The following APEH variants were observed in gnomAD, a reference collection of about 807,000 sequenced individuals.
APEH encodes acylamino-acid-releasing enzyme.
In APEH, 75 loss-of-function variants were observed where a neutral mutation model predicts 102.7. The observed-to-expected ratio is 0.73, with a 90% CI of 0.61 to 0.89. APEH has a LOEUF of 0.89. Ranked by LOEUF, APEH falls within the 40% of genes least tolerant of loss-of-function variation. The pLI, the probability that APEH is intolerant of heterozygous loss-of-function variation, is 0.00. For missense variants in APEH, 863 were observed against 941.2 expected, an observed-to-expected ratio of 0.92 and a Z score of 1.09; for synonymous variants, 344 against 362.7, an observed-to-expected ratio of 0.95 and a Z score of 0.59.
intron 17 of APEH, 108 bp downstream of exon 17, chr3:49,682,075 C>T: frequency 7.8e-7 from 1 of 1,274,270 alleles, no homozygotes; most frequent in Non-Finnish European, 1.1e-6. Context: ...AGGACTTTCT[C>T]TAGCCTAGAC....
Position 49,679,549 on chromosome 3 carries a change from T to G in APEH, c.1159-44T>G. On this transcript the variant is annotated intron_variant, in intron 12 of 21. Transcript: ENST00000296456. The surrounding 1 kb of genome is among the most constrained non-coding windows in gnomAD (Gnocchi z 4.3). Reference sequence around the variant, plus strand: ...GGGAGGGACCCATAGGTAGAGGGAGTACTCTTGGATGTGGTCGCACCTGTG... The same window carrying G: ...GGGAGGGACCCATAGGTAGAGGGAGGACTCTTGGATGTGGTCGCACCTGTG... The G allele has an allele frequency of 6.2e-7, 1 of 1,604,360 alleles. No individual in the cohort carries two copies. Among genetic ancestry groups the G allele is most frequent in the Non-Finnish European group, 8.5e-7 (1 of 1,171,810 alleles).
Position 49,682,544 on chromosome 3 carries a change from A to G in APEH, c.1693-2A>G. The G allele has an allele frequency of 6.2e-7, 1 of 1,614,078 alleles. No homozygotes were observed. Among genetic ancestry groups the G allele is most frequent in the Non-Finnish European group, 8.5e-7 (1 of 1,179,972 alleles). The stretch of plus-strand genomic sequence containing the variant: ...TGCAGCATGCTTTGTCCCACCCTGC[A>G]GTTTGCAGTGGAACAGGTGCTCCAG... On this transcript the variant is annotated splice_acceptor_variant, in intron 18 of 21. Transcript: ENST00000296456. LOFTEE classifies it high-confidence loss of function.
intron 15 of APEH, 60 bp downstream of exon 15, chr3:49,681,299 C>T (rs966849741): frequency 2.7e-6 from 4 of 1,462,876 alleles, no homozygotes; most frequent in Admixed American, 2.5e-5. Context: ...AAAGCCTCTG[C>T]GGTGACCTTT....
Position 49,676,988 on chromosome 3 carries a change from T to C in APEH, c.963T>C (p.Ser321=). The part of the protein sequence containing the change: ...QCRIVYLQYP[S]LIPHHQCSQL... ...GCATTGTCTACCTGCAGTACCCATC[T>C]CTGATCCCCCATCACCAATGCAGCC... is the stretch of plus-strand genomic sequence containing the variant. The change falls in exon 10 of 22, where the codon TCT becomes TCC. Residue 321 remains serine (S), a synonymous_variant. Coordinates refer to ENST00000296456, the MANE Select transcript of APEH (RefSeq NM_001640.4). The C allele has an allele frequency of 3.1e-6, 5 of 1,614,102 alleles. No homozygotes were observed. Among genetic ancestry groups the C allele is most frequent in the Non-Finnish European group, 3.4e-6 (4 of 1,180,022 alleles).
Position 49,675,722 on chromosome 3 carries a change from A to C in APEH, c.301A>C (p.Thr101Pro). 1 of 1,614,022 alleles carries C rather than the reference A, an allele frequency of 6.2e-7. No individual in the cohort carries two copies. The change falls in exon 4 of 22, where the codon ACC (threonine) becomes CCC (proline). Residue 101 changes from threonine (T) to proline (P), a missense_variant. Coordinates refer to ENST00000296456, the MANE Select transcript of APEH (RefSeq NM_001640.4). ...GCTGAGCAGAGAGTCTCCTTCAGGC[A>C]CCATGAAAGCTGTGCTGCGCAAGGC... The part of the protein sequence containing the change: ...ELLSRESPSG[T>P]MKAVLRKAGG...
In APEH at chr3:49,676,271, G is replaced by A. The variant is rs770438548; in HGVS notation, c.606+52G>A. On this transcript the variant is annotated intron_variant, in intron 6 of 21. Coordinates refer to ENST00000296456, the MANE Select transcript of APEH (RefSeq NM_001640.4). ...CGGCAGGGCAGCCCTGGGGCTCAGT[G>A]TGCTCCCTTCCCATACTGTGCCTGT... 5 of 1,611,372 alleles carry A rather than the reference G, an allele frequency of 3.1e-6. No individual in the cohort carries two copies. The South Asian group carries it at 3.3e-5, about 11-fold the overall frequency.
In APEH at chr3:49,683,908, C is replaced by CT. The variant is rs2053471021; in HGVS notation, c.*567dup. 6 of 1,469,826 alleles carry CT rather than the reference C, an allele frequency of 4.1e-6. No homozygotes were observed. In the Admixed American group the frequency reaches 8.8e-5, roughly 21 times the overall value. The allele number at this position is 1,469,826 out of a possible 1,614,324, so 91.0% of individuals were successfully genotyped here. The stretch of plus-strand genomic sequence containing the variant: ...CCACCCGAGCCCTAGCAAGGAGTCA[C>CT]TGACACATTTCCTGGAAGCAAAGGC... On this transcript the variant is annotated 3_prime_UTR_variant, in exon 22 of 22. Transcript: ENST00000296456.
At chr3:49,673,722 A>C (rs1195492206), upstream of APEH, among the ~76,000 whole-genome samples, 1 of 151,976 alleles carries the variant, frequency 6.6e-6, no homozygotes, top group African/African-American at 2.4e-5. Flanking sequence ...CTCGTGGTGG[A>C]CCCGAAGGAA....
chr3:49,675,511 C>T (rs766706613), intron 3 of APEH, 183 bp from the exon 4 acceptor site: 3 of 973,220 alleles, frequency 3.1e-6, no homozygotes, highest in Non-Finnish European at 4.6e-6. Flanking sequence ...CCCATGGTGG[C>T]CTGGGGAGTT....
chr3:49,677,512 C>T, intron 10 of APEH, 61 bp from the exon 11 acceptor site: 6 of 1,475,464 alleles, frequency 4.1e-6, no homozygotes, highest in Non-Finnish European at 4.7e-6. Flanking sequence ...AGGCACAGGG[C>T]ACTGTGCCCT....
Position 49,683,390 on chromosome 3 carries a change from C to A in APEH, c.*48C>A. 2.0e-6 allele frequency: 3 copies of A among 1,519,330 alleles called. No individual in the cohort carries two copies. Among genetic ancestry groups the A allele is most frequent in the South Asian group, 1.1e-5 (1 of 88,718 alleles). 94.1% of individuals were successfully genotyped at this position (1,519,330 alleles called of 1,614,324 possible). A position where few individuals can be genotyped will look rare whatever the true frequency, so the allele number is the denominator to read the frequency against. On this transcript the variant is annotated 3_prime_UTR_variant, in exon 22 of 22. Transcript: ENST00000296456. ...TGATCAGCCTGTGCCACACTTCGCT[C>A]TTGAGGAGCTCAACGGTCTGGCAGG...
At position 49,678,875 on chromosome 3, in the gene APEH, A is replaced by T. The variant is rs1453511070; in HGVS notation, c.1084A>T (p.Ser362Cys). 6.2e-7 allele frequency: 1 copy of T among 1,613,852 alleles called. No homozygotes were observed. Among genetic ancestry groups the T allele is most frequent in the South Asian group, 1.1e-5 (1 of 91,076 alleles). Residue 362 changes from serine (S) to cysteine (C), a missense_variant, in exon 12 of 22, where the codon AGC (serine) becomes TGC (cysteine). Transcript: ENST00000296456. The part of the protein sequence containing the change: ...LGENFSGIYC[S>C]LLPLGCWSAD... Reference sequence around the variant, plus strand: ...AGAGAACTTCTCTGGGATCTACTGCAGCCTTCTGCCTTTGGGATGCTGGTC... The same window carrying T: ...AGAGAACTTCTCTGGGATCTACTGCTGCCTTCTGCCTTTGGGATGCTGGTC...
chr3:49,676,268 AGTGT>A (rs2108117833), intron 6 of APEH, 49 bp downstream of exon 6: 1 of 1,611,364 alleles, frequency 6.2e-7, no homozygotes, highest in East Asian at 2.2e-5. Context: ...CCTGGGGCTC[AGTGT>A]GCTCCCTTCC....
chr3:49,673,801 C>CTCACG (rs2052881855), upstream of APEH, among the ~76,000 whole-genome samples: 10 of 145,692 alleles, frequency 6.9e-5, no homozygotes, highest in East Asian at 2.0e-4. Context: ...CAACCCTCAC[C>CTCACG]CTCACGCTCA....
chr3:49,683,301 A>G lies in APEH; in HGVS notation c.2158A>G (p.Met720Val), dbSNP rs1163373456. Residue 720 changes from methionine to valine, a missense_variant, in exon 22 of 22, where the codon ATG becomes GTG. Transcript: ENST00000296456. ...GGTGGAGGTGGAGTCAGACAGCTTCATGAATGCTGTGCTCTGGCTACGCAC... is the reference window on the plus strand; with the variant it reads ...GGTGGAGGTGGAGTCAGACAGCTTCGTGAATGCTGTGCTCTGGCTACGCAC... ...SEVEVESDSF[M>V]NAVLWLRTHL... is the part of the protein sequence containing the mutation. The G allele has an allele frequency of 3.7e-6, 6 of 1,614,008 alleles. No individual in the cohort carries two copies. In the Admixed American group the frequency reaches 5.0e-5, roughly 13 times the overall value.
rs774615709 is a variant in APEH at position 49,677,787 on chromosome 3, G to A, written c.1060+154G>A. Among the ~76,000 whole-genome samples, 39 of 151,606 alleles carry A rather than the reference G, an allele frequency of 2.6e-4. 2 individuals are homozygous for A. Among genetic ancestry groups the A allele is most frequent in the East Asian group, 1.9e-4 (1 of 5,168 alleles). On this transcript the variant is annotated intron_variant, in intron 11 of 21. Transcript: ENST00000296456. The stretch of plus-strand genomic sequence containing the variant: ...CTTATGCCCAGCATCCTCAGGGAGC[G>A]GGGCTGTCACCATAGGGAGCGGGGC...
Position 49,679,644 on chromosome 3 carries a change from G to A in APEH, c.1210G>A (p.Gly404Arg), listed in dbSNP as rs1304814692. 6.2e-7 allele frequency: 1 copy of A among 1,613,698 alleles called. No homozygotes were observed. Residue 404 changes from glycine (G) to arginine (R), a missense_variant and splice_region_variant, in exon 13 of 22, where the codon GGA (glycine) becomes AGA (arginine). Transcript: ENST00000296456. The surrounding 1 kb of genome is among the most constrained non-coding windows in gnomAD (Gnocchi z 4.3). ...QVGTVTSLTA[G>R]GSGGSWKLLT... ...GGGCACTGTGACCTCCCTCACAGCTGGTGAGCAAGGCTTTGGGGATGGGGG... is the reference window on the plus strand; with the variant it reads ...GGGCACTGTGACCTCCCTCACAGCTAGTGAGCAAGGCTTTGGGGATGGGGG...
Position 49,683,701 on chromosome 3 carries a change from T to C in APEH, c.*359T>C, listed in dbSNP as rs2053460966. 2.1e-6 allele frequency: 1 copy of C among 465,450 alleles called. No homozygotes were observed. The highest frequency in any genetic ancestry group is 2.0e-5 in the African/African-American group (1 of 51,080). 28.8% of individuals were successfully genotyped at this position (465,450 alleles called of 1,614,324 possible). On this transcript the variant is annotated 3_prime_UTR_variant, in exon 22 of 22. Transcript: ENST00000296456. ...CTCTGTACCAGCCTAGCTTCCCTGC[T>C]GCAGCCCCTTCCATTAGCAACTACT... is the stretch of plus-strand genomic sequence containing the variant.
Position 49,678,968 on chromosome 3 carries a change from G to T in APEH, c.1158+19G>T. 1.9e-6 allele frequency: 3 copies of T among 1,604,284 alleles called. No individual in the cohort carries two copies. The highest frequency in any genetic ancestry group is 2.6e-6 in the Non-Finnish European group (3 of 1,172,348). On this transcript the variant is annotated intron_variant, in intron 12 of 21. Transcript: ENST00000296456. The stretch of plus-strand genomic sequence containing the variant: ...CCGGCAGGTGAGGGACGCTGATTGT[G>T]TTGAGGGGCAGCCCCTGTGGTCAAC...
Sources: allele counts gnomAD v4.1 joint callset (sites outside exome capture counted in the v4.1 genomes callset), GRCh38; gene constraint gnomAD v4.1.1; non-coding constraint Gnocchi (gnomAD v3.1); transcripts MANE v1.5; gene names NCBI Gene and HGNC (gene_info 2026-07-23, HGNC 2026-07-21).